The following P4HTM variants were observed in gnomAD, a reference collection of about 807,000 sequenced individuals.
P4HTM encodes the protein prolyl 4-hydroxylase, transmembrane, also known as transmembrane prolyl 4-hydroxylase.
In P4HTM, 33 loss-of-function variants were observed where a neutral mutation model predicts 55.3. The observed-to-expected ratio is 0.60, with a 90% CI of 0.45 to 0.80. The LOEUF (loss-of-function observed/expected upper bound fraction) is 0.80. Among genes scored for constraint, P4HTM ranks in the 30% least tolerant of loss-of-function variants. The probability of loss-of-function intolerance (pLI) is 0.00; values close to 1 mark genes in which losing one functional copy is unlikely to be tolerated. For synonymous variants in P4HTM, 272 were observed against 286.4 expected (o/e 0.95, Z 0.51); for missense variants, 542 against 696.5 (o/e 0.78, Z 2.50).
At chr3:49,005,249 C>G (rs1295603760) in intron 6 of P4HTM, 9 of 1,510,140 alleles carry the variant, frequency 6.0e-6, no homozygotes, top group African/African-American at 1.4e-5. Flanking sequence ...ATCGTGACCA[C>G]TGGAGTCAAC....
Position 48,990,629 on chromosome 3 carries a change from C to A in P4HTM, c.354+19C>A. On this transcript the variant is annotated intron_variant, in intron 1 of 8. Transcript: ENST00000383729. The surrounding 1 kb of genome is among the most constrained non-coding windows in gnomAD (Gnocchi z 7.2). ...CATCAAGGTGAGGACCTCCCTGCCC[C>A]GCCGCGCTCCAGGCCCTGCACGGCT... The A allele has an allele frequency of 6.5e-7, 1 of 1,535,830 alleles. No homozygotes were observed. Among genetic ancestry groups the A allele is most frequent in the Non-Finnish European group, 8.8e-7 (1 of 1,139,666 alleles).
Position 49,001,492 on chromosome 3 carries a change from A to T in P4HTM, c.491A>T (p.Gln164Leu). 1 of 1,613,932 alleles carries T rather than the reference A, an allele frequency of 6.2e-7. No homozygotes were observed. The highest frequency in any genetic ancestry group is 8.5e-7 in the Non-Finnish European group (1 of 1,180,032). ...EECRLIIHLA[Q>L]MKGLQRSQIL... is the part of the protein sequence containing the mutation. ...TGTCGGCTCATCATCCATCTGGCGC[A>T]GATGAAGGGGTTACAGCGCAGCCAG... The change falls in exon 3 of 9, where the codon CAG (glutamine) becomes CTG (leucine). Residue 164 changes from glutamine to leucine, a missense_variant. Around this residue, in one of 2 missense-constraint regions of P4HTM, gnomAD observed 536 missense variants for 672.1 expected, o/e 0.80. Transcript: ENST00000383729.
intron 8 of P4HTM, among the ~76,000 whole-genome samples, 194 bp downstream of exon 8, chr3:49,006,381 C>T (rs182639399): frequency 3.9e-5 from 6 of 152,338 alleles, no homozygotes. Flanking sequence ...GGGTTATATC[C>T]ATCCCTATCA....
intron 8 of P4HTM, 96 bp from the exon 9 acceptor site, chr3:49,006,591 T>C: frequency 2.1e-6 from 2 of 949,346 alleles, no homozygotes; most frequent in Non-Finnish European, 3.3e-6. Flanking sequence ...ACACAAGGAA[T>C]GCATAGCTGG....
intron 6 of P4HTM, 135 bp from the exon 7 acceptor site, chr3:49,005,642 C>T (rs991117480): frequency 4.9e-6 from 7 of 1,442,178 alleles, no homozygotes; most frequent in African/African-American, 1.4e-5. Flanking sequence ...TTGGCACTGG[C>T]CTGCCCTATT....
In P4HTM at chr3:48,990,438, T is replaced by A. The variant is rs759872689; in HGVS notation, c.182T>A (p.Phe61Tyr). Residue 61 changes from phenylalanine (F) to tyrosine (Y), a missense_variant, in exon 1 of 9, where the codon TTC (phenylalanine) becomes TAC (tyrosine). Around this residue, in one of 2 missense-constraint regions of P4HTM, gnomAD observed 536 missense variants for 672.1 expected, o/e 0.80. Transcript: ENST00000383729. The surrounding 1 kb of genome is among the most constrained non-coding windows in gnomAD (Gnocchi z 7.2). ...KPRGICSRAY[F>Y]LVLMVFVHLY... ...CGCGGCATCTGCTCGCGCGCCTACTTCCTGGTGCTGATGGTGTTCGTGCAC... is the reference window on the plus strand; with the variant it reads ...CGCGGCATCTGCTCGCGCGCCTACTACCTGGTGCTGATGGTGTTCGTGCAC... 2.5e-6 allele frequency: 4 copies of A among 1,609,236 alleles called. No homozygotes were observed. Among genetic ancestry groups the A allele is most frequent in the Admixed American group, 3.3e-5 (2 of 59,902 alleles).
chr3:48,996,885 A>G (rs758932252), intron 2 of P4HTM, among the ~76,000 whole-genome samples: 3 of 152,188 alleles, frequency 2.0e-5, no homozygotes, highest in Non-Finnish European at 2.9e-5. Flanking sequence ...TGTGGGCAGT[A>G]GTAGCAGGCC....
In P4HTM at chr3:49,004,194, A is replaced by G. The variant is rs779199082; in HGVS notation, c.821A>G (p.Asn274Ser). The change falls in exon 5 of 9, where the codon AAC becomes AGC. Residue 274 changes from asparagine to serine, a missense_variant. Asn to Ser is a conservative substitution (Grantham distance 46). Around this residue, in one of 2 missense-constraint regions of P4HTM, gnomAD observed 536 missense variants for 672.1 expected, o/e 0.80. Transcript: ENST00000383729. ...GCAGAGTCCAGTGAGCTGGTGCGGAACAGCCACCATACCTGGCTCTACCAG... is the reference window on the plus strand; with the variant it reads ...GCAGAGTCCAGTGAGCTGGTGCGGAGCAGCCACCATACCTGGCTCTACCAG... ...HKAESSELVRNSHHTWLYQGE... is the reference protein window; with the variant it reads ...HKAESSELVRSSHHTWLYQGE... 3 of 1,549,542 alleles carry G rather than the reference A, an allele frequency of 1.9e-6. No homozygotes were observed. In the South Asian group the frequency reaches 3.6e-5, roughly 18 times the overall value.
At chr3:49,001,902 G>A (rs1358403437) in intron 3 of P4HTM, among the ~76,000 whole-genome samples, 2 of 152,262 alleles carry the variant, frequency 1.3e-5, no homozygotes, top group South Asian at 4.1e-4. Context: ...TGCATTCCTT[G>A]CTCTCATGGC....
In P4HTM at chr3:49,006,931, A is replaced by C; in HGVS notation, c.*24A>C. On this transcript the variant is annotated 3_prime_UTR_variant, in exon 9 of 9. Coordinates refer to ENST00000383729, the MANE Select transcript of P4HTM (RefSeq NM_177939.3). ...GAGGGAAGAGTTAGCCCCGGTTCCC[A>C]GCCGCGGGTCGCCAGTTGCCCAAGA... 6.3e-7 allele frequency: 1 copy of C among 1,588,890 alleles called. No individual in the cohort carries two copies. The highest frequency in any genetic ancestry group is 1.1e-5 in the South Asian group (1 of 89,558).
rs957564216 is a variant in P4HTM at position 49,004,810 on chromosome 3, A to C, written c.888-51A>C. ...AGGGTCCACCTTGGCCAGCTCCTTC[A>C]GATCACCACCTTGCCTGGGGCTGCC... On this transcript the variant is annotated intron_variant, in intron 5 of 8. Transcript: ENST00000383729. The C allele has an allele frequency of 1.9e-6, 3 of 1,558,590 alleles. No homozygotes were observed. In the African/African-American group the frequency reaches 4.0e-5, roughly 21 times the overall value.
chr3:49,005,792 GT>G lies in P4HTM; in HGVS notation c.1093del (p.Tyr365IlefsTer2). On this transcript the variant is annotated frameshift_variant, in exon 7 of 9. Coordinates refer to ENST00000383729, the MANE Select transcript of P4HTM (RefSeq NM_177939.3). LOFTEE classifies it high-confidence loss of function. ...ETSCRYMTVL[F>X]YLNNVTGGGE... ...TGCCTTACAGCTACATGACAGTGCTGTTTTATTTGAACAACGTCACTGGTGG... is the reference window on the plus strand; with the variant it reads ...TGCCTTACAGCTACATGACAGTGCTGTTTATTTGAACAACGTCACTGGTGG... 6.3e-7 allele frequency: 1 copy of G among 1,599,070 alleles called. No individual in the cohort carries two copies. Among genetic ancestry groups the G allele is most frequent in the South Asian group, 1.1e-5 (1 of 88,712 alleles).
chr3:49,000,670 G>A (rs1207042460), intron 2 of P4HTM, among the ~76,000 whole-genome samples: 4 of 152,210 alleles, frequency 2.6e-5, no homozygotes, highest in African/African-American at 9.6e-5. Context: ...TGAGGCTCAG[G>A]TTCTAGCTCC....
chr3:49,002,565 C>G lies in P4HTM; in HGVS notation c.693C>G (p.Tyr231Ter), dbSNP rs558724306. The G allele has an allele frequency of 6.2e-7, 1 of 1,613,920 alleles. No homozygotes were observed. Among genetic ancestry groups the G allele is most frequent in the South Asian group, 1.1e-5 (1 of 91,088 alleles). ...CTCCAGAGAGCATTCAGGAGATGTA[C>G]GCCGCGATCAAGGCTGACCCTGATG... ...WMTPESIQEM[Y>*]AAIKADPDGD... The change falls in exon 4 of 9, where the codon TAC becomes TAG. Residue 231 changes from tyrosine (Y) to a stop codon, truncating the protein, a stop_gained. Transcript: ENST00000383729. LOFTEE classifies it high-confidence loss of function. The surrounding 1 kb of genome is among the most constrained non-coding windows in gnomAD (Gnocchi z 4.4).
intron 2 of P4HTM, among the ~76,000 whole-genome samples, chr3:48,998,508 T>C (rs1311226008): frequency 6.6e-6 from 1 of 152,180 alleles, no homozygotes; most frequent in Admixed American, 6.5e-5. Flanking sequence ...GTAGCCTGGC[T>C]TTCCCACTTG....
chr3:48,990,978 C>A lies in P4HTM; in HGVS notation c.436+64C>A. Reference sequence around the variant, plus strand: ...GCGGTTTGGTGGCCACCTTGAGGCTCGTTGTGACCACGTGACCTCTATTTT... The same window carrying A: ...GCGGTTTGGTGGCCACCTTGAGGCTAGTTGTGACCACGTGACCTCTATTTT... On this transcript the variant is annotated intron_variant, in intron 2 of 8. Coordinates refer to ENST00000383729, the MANE Select transcript of P4HTM (RefSeq NM_177939.3). This position sits in a 1 kb window ranked among gnomAD's most constrained non-coding sequence, Gnocchi z 7.2. The A allele has an allele frequency of 1.6e-6, 2 of 1,240,928 alleles. No individual in the cohort carries two copies. Among genetic ancestry groups the A allele is most frequent in the Non-Finnish European group, 2.3e-6 (2 of 851,792 alleles). 76.9% of individuals were successfully genotyped at this position (1,240,928 alleles called of 1,614,324 possible).
chr3:48,998,140 G>T (rs2092951072), intron 2 of P4HTM: 1 of 152,370 alleles, frequency 6.6e-6, no homozygotes, highest in Admixed American at 6.5e-5. Context: ...TTTGAAAGGG[G>T]TGGGGCCGAG....
At chr3:48,990,157 G>T, upstream of P4HTM, 1 of 1,044,890 alleles carries the variant, frequency 9.6e-7, no homozygotes. This position sits in a 1 kb window ranked among gnomAD's most constrained non-coding sequence, Gnocchi z 7.2. Flanking sequence ...GTCTCCTAGT[G>T]ACCGCGGCGC....
Position 48,990,256 on chromosome 3 carries a change from C to A in P4HTM, c.-1C>A, listed in dbSNP as rs1381917593. 44 of 1,205,956 alleles carry A rather than the reference C, an allele frequency of 3.6e-5. No homozygotes were observed. The highest frequency in any genetic ancestry group is 6.5e-4 in the Middle Eastern group (2 of 3,058). The allele number at this position is 1,205,956 out of a possible 1,614,324, so 74.7% of individuals were successfully genotyped here. On this transcript the variant is annotated 5_prime_UTR_variant, in exon 1 of 9. Transcript: ENST00000383729. The surrounding 1 kb of genome is among the most constrained non-coding windows in gnomAD (Gnocchi z 7.2). ...CTGGGCGCGCGCGCGACCTGGGTGC[C>A]ATGGCGGCAGCGGCGGTGACAGGCC...
Sources: allele counts gnomAD v4.1 joint callset (sites outside exome capture counted in the v4.1 genomes callset), GRCh38; gene constraint gnomAD v4.1.1; regional missense constraint gnomAD v4.1.1; non-coding constraint Gnocchi (gnomAD v3.1); transcripts MANE v1.5; gene names NCBI Gene and HGNC (gene_info 2026-07-23, HGNC 2026-07-21).